PKN2: variants seen among roughly 807,000 people sequenced by gnomAD.
PKN2 encodes the protein protein kinase N2.
Under a neutral mutation model 119.1 loss-of-function variants are expected in PKN2, and 38 were observed. The ratio of observed to expected loss-of-function variants is 0.32; its 90% CI spans 0.25 to 0.42. PKN2 has a LOEUF of 0.42. Among genes scored for constraint, PKN2 ranks in the 10% least tolerant of loss-of-function variants. The pLI is 1.00. For synonymous variants in PKN2, 390 were observed against 384.9 expected (o/e 1.01, Z -0.15); for missense variants, 850 against 1,165.1 (o/e 0.73, Z 3.94).
intron 1 of PKN2, among the ~76,000 whole-genome samples, chr1:88,731,435 C>T (rs985531612): frequency 1.3e-5 from 2 of 151,980 alleles, no homozygotes; most frequent in South Asian, 2.1e-4. Flanking sequence ...TATAGATAAA[C>T]GGGTATTTCA....
At chr1:88,737,167 C>T (rs1668383280) in intron 1 of PKN2, among the ~76,000 whole-genome samples, 1 of 152,198 alleles carries the variant, frequency 6.6e-6, no homozygotes, top group Admixed American at 6.5e-5. Flanking sequence ...AAGACAAGCA[C>T]AGCACAGGGA....
Position 88,770,533 on chromosome 1 carries a change from C to T in PKN2, c.622+64C>T, listed in dbSNP as rs565865042. 3 of 871,374 alleles carry T rather than the reference C, an allele frequency of 3.4e-6. No homozygotes were observed. In the Admixed American group the frequency reaches 5.2e-5, roughly 15 times the overall value. 54.0% of individuals were successfully genotyped at this position (871,374 alleles called of 1,614,324 possible). A position where few individuals can be genotyped will look rare whatever the true frequency, so the allele number is the denominator to read the frequency against. On this transcript the variant is annotated intron_variant, in intron 4 of 21. Coordinates refer to ENST00000370521, the MANE Select transcript of PKN2 (RefSeq NM_006256.4). ...GGTGCTAAATAATCTTATGCAGGAA[C>T]AGGGCAGTGGTTCAAAGTTAAGAGG...
chr1:88,764,505 T>C (rs926283746), intron 3 of PKN2, among the ~76,000 whole-genome samples: 1 of 152,200 alleles, frequency 6.6e-6, no homozygotes, highest in Non-Finnish European at 1.5e-5. Context: ...TCACCCTATC[T>C]TCAATACCTG....
At chr1:88,697,473 T>A (rs1051486945) in intron 1 of PKN2, among the ~76,000 whole-genome samples, 3 of 152,186 alleles carry the variant, frequency 2.0e-5, no homozygotes, top group African/African-American at 7.2e-5. Flanking sequence ...TTGAGTTCAT[T>A]CATTACTTTG....
chr1:88,706,432 G>T (rs1667008875), intron 1 of PKN2, among the ~76,000 whole-genome samples: 1 of 151,996 alleles, frequency 6.6e-6, no homozygotes, highest in Admixed American at 6.6e-5. Context: ...TGCATAAAAA[G>T]TTTTACTTCT....
intron 16 of PKN2, among the ~76,000 whole-genome samples, chr1:88,817,575 G>A (rs919328278): frequency 2.0e-5 from 3 of 151,890 alleles, no homozygotes; most frequent in Admixed American, 2.0e-4. Context: ...GGGTGTGGCG[G>A]TGTAGGCCTG....
rs553641016 is a variant in PKN2, at chr1:88,808,700, TA to T, written c.2102+928del. On this transcript the variant is annotated intron_variant, in intron 15 of 21. Coordinates refer to ENST00000370521, the MANE Select transcript of PKN2 (RefSeq NM_006256.4). ...AATGACTATCTTAATACAGAATAAT[TA>T]AATATGGACATTATTGTATAAAAAT... is the stretch of plus-strand genomic sequence containing the variant. Among the ~76,000 whole-genome samples, 25 of 152,300 alleles carry T rather than the reference TA, an allele frequency of 1.6e-4. 1 individual carries two copies. In the South Asian group the frequency reaches 5.2e-3, roughly 32 times the overall value.
chr1:88,762,331 A>G (rs895322471), intron 3 of PKN2, among the ~76,000 whole-genome samples: 1 of 152,222 alleles, frequency 6.6e-6, no homozygotes, highest in African/African-American at 2.4e-5. Context: ...AATTAGATTT[A>G]TTAATTTGAG....
At chr1:88,725,709 A>G (rs1335259785) in intron 1 of PKN2, among the ~76,000 whole-genome samples, 1 of 152,218 alleles carries the variant, frequency 6.6e-6, no homozygotes, top group Non-Finnish European at 1.5e-5. Context: ...TTGAAGAGCA[A>G]AAGTTTTACA....
At chr1:88,762,055 G>A (rs1669468851) in intron 3 of PKN2, among the ~76,000 whole-genome samples, 1 of 152,030 alleles carries the variant, frequency 6.6e-6, no homozygotes. Context: ...TAGTTTGAGG[G>A]GTTTATGAAC....
Position 88,702,451 on chromosome 1 carries a change from G to A in PKN2, c.48+17823G>A, listed in dbSNP as rs1443813199. Among the ~76,000 whole-genome samples, 4 of 152,030 alleles carry A rather than the reference G, an allele frequency of 2.6e-5. No homozygotes were observed. In the East Asian group the frequency reaches 7.7e-4, roughly 29 times the overall value. On this transcript the variant is annotated intron_variant, in intron 1 of 21. Transcript: ENST00000370521. ...TTTTTATTTTTTCATACTTTGACAG[G>A]CAAATTATGTAATAACTAAAGTTGG... is the stretch of plus-strand genomic sequence containing the variant.
rs192473728 is a variant in PKN2, at chr1:88,687,067, G to T, written c.48+2439G>T. ...CTTTAATAAAATTGATATTTATTTA[G>T]AAATATATCCAGCTTTTCATTATTT... On this transcript the variant is annotated intron_variant, in intron 1 of 21. Coordinates refer to ENST00000370521, the MANE Select transcript of PKN2 (RefSeq NM_006256.4). 4.1e-3 allele frequency among the ~76,000 whole-genome samples: 623 copies of T among 152,100 alleles called. 4 individuals are homozygous for T. The Middle Eastern group carries it at 0.044, about 11-fold the overall frequency.
intron 2 of PKN2, among the ~76,000 whole-genome samples, chr1:88,750,534 A>G (rs1213969291): frequency 6.6e-6 from 1 of 152,142 alleles, no homozygotes. Context: ...GGAAATTTTA[A>G]TCATATCCTA....
At chr1:88,796,491 T>C (rs573908015) in intron 8 of PKN2, among the ~76,000 whole-genome samples, 1 of 152,330 alleles carries the variant, frequency 6.6e-6, no homozygotes, top group Non-Finnish European at 1.5e-5. Flanking sequence ...TTTCTACTTA[T>C]ATTCTAGGCT....
chr1:88,772,259 C>G (rs1486654975), intron 6 of PKN2, among the ~76,000 whole-genome samples: 2 of 151,992 alleles, frequency 1.3e-5, no homozygotes, highest in Non-Finnish European at 2.9e-5. Flanking sequence ...CCTTTTTTGC[C>G]TGGCTTCTTT....
At chr1:88,730,611 A>C (rs549459657) in intron 1 of PKN2, among the ~76,000 whole-genome samples, 2 of 152,358 alleles carry the variant, frequency 1.3e-5, no homozygotes, top group Non-Finnish European at 2.9e-5. Context: ...TGAAATGAGA[A>C]TTTTAGCTGT....
chr1:88,777,916 G>A (rs1377810848), intron 6 of PKN2, among the ~76,000 whole-genome samples: 2 of 152,098 alleles, frequency 1.3e-5, no homozygotes, highest in African/African-American at 2.4e-5. Context: ...CTATCTGGAG[G>A]TTTCATCTAC....
intron 16 of PKN2, among the ~76,000 whole-genome samples, chr1:88,818,253 G>A (rs1672096149): frequency 6.6e-6 from 1 of 152,172 alleles, no homozygotes; most frequent in Admixed American, 6.5e-5. Flanking sequence ...TCATGGATAG[G>A]AAGAATCAAT....
At chr1:88,832,453 GTCATA>G (rs1672768284) in intron 19 of PKN2, among the ~76,000 whole-genome samples, 1 of 151,930 alleles carries the variant, frequency 6.6e-6, no homozygotes, top group African/African-American at 2.4e-5. Flanking sequence ...TAAATGAAAA[GTCATA>G]TCATATATGA....
Sources: allele counts gnomAD v4.1 joint callset (sites outside exome capture counted in the v4.1 genomes callset), GRCh38; gene constraint gnomAD v4.1.1; transcripts MANE v1.5; gene names NCBI Gene and HGNC (gene_info 2026-07-23, HGNC 2026-07-21).